The following ACVR1C variants were observed in gnomAD, a reference collection of about 807,000 sequenced individuals.
ACVR1C encodes activin receptor type-1C.
Under a neutral mutation model 57.9 loss-of-function variants are expected in ACVR1C, and 23 were observed. That is an observed-to-expected ratio of 0.40 (90% CI 0.29 to 0.56). The LOEUF (loss-of-function observed/expected upper bound fraction) is 0.56, where lower values mean the gene tolerates loss of function less well. Ranked by LOEUF, ACVR1C falls within the 20% of genes least tolerant of loss-of-function variation. The probability of loss-of-function intolerance (pLI) is 0.50; values close to 1 mark genes in which losing one functional copy is unlikely to be tolerated. For missense variants in ACVR1C, 480 were observed against 607.9 expected, an observed-to-expected ratio of 0.79 and a Z score of 2.21; for synonymous variants, 214 against 215.3, an observed-to-expected ratio of 0.99 and a Z score of 0.05.
At chr2:157,612,721 C>G (rs913456400) in intron 1 of ACVR1C, among the ~76,000 whole-genome samples, 4 of 152,322 alleles carry the variant, frequency 2.6e-5, no homozygotes, top group Middle Eastern at 3.4e-3. Context: ...ACAGTTCCTT[C>G]CCCAGAGAGT....
At chr2:157,628,052 T>C (rs1682942565) in intron 1 of ACVR1C, among the ~76,000 whole-genome samples, 1 of 152,190 alleles carries the variant, frequency 6.6e-6, no homozygotes. Context: ...CTCGCCTCCA[T>C]AGCTTGGCAT....
intron 8 of ACVR1C, among the ~76,000 whole-genome samples, chr2:157,535,598 C>A (rs552448398): frequency 6.6e-6 from 1 of 152,042 alleles, no homozygotes; most frequent in African/African-American, 2.4e-5. Context: ...GAGGCCAAGG[C>A]GGGTGGATCA....
chr2:157,554,284 A>AAGG (rs1558975234), intron 3 of ACVR1C, among the ~76,000 whole-genome samples: 35 of 114,060 alleles, frequency 3.1e-4, no homozygotes, highest in Admixed American at 6.6e-4. Context: ...AGGAAGGAAG[A>AAGG]GAGAGAGAGA....
At chr2:157,580,113 G>A (rs183633973) in intron 2 of ACVR1C, among the ~76,000 whole-genome samples, 160 of 151,406 alleles carry the variant, frequency 1.1e-3, no homozygotes, top group African/African-American at 3.0e-3. Flanking sequence ...ACACACGTGC[G>A]CGTGCTATTT....
intron 2 of ACVR1C, among the ~76,000 whole-genome samples, chr2:157,568,085 C>A (rs1230280224): frequency 6.3e-4 from 94 of 149,948 alleles, no homozygotes; most frequent in African/African-American, 2.2e-3. Context: ...GAATTTTCAA[C>A]CCAGAATTTC....
intron 3 of ACVR1C, among the ~76,000 whole-genome samples, chr2:157,554,287 G>GAAAGAAAGAAAGAAAGGAAA (rs1558975256): frequency 7.1e-5 from 9 of 126,294 alleles, no homozygotes; most frequent in African/African-American, 3.3e-4. Context: ...AAGGAAGAGA[G>GAAAGAAAGAAAGAAAGGAAA]AGAGAGAGAG....
At chr2:157,610,201 C>T (rs1682500579) in intron 1 of ACVR1C, among the ~76,000 whole-genome samples, 1 of 151,892 alleles carries the variant, frequency 6.6e-6, no homozygotes, top group Middle Eastern at 3.2e-3. Flanking sequence ...CTTTTTGTTT[C>T]CAGGTTTAGG....
chr2:157,575,788 A>G (rs1241677756), intron 2 of ACVR1C, among the ~76,000 whole-genome samples: 7 of 152,194 alleles, frequency 4.6e-5, no homozygotes, highest in Non-Finnish European at 1.0e-4. Context: ...TTGTAGTCAT[A>G]TTAACTTTTG....
At chr2:157,600,270 A>C (rs1462685004) in intron 1 of ACVR1C, among the ~76,000 whole-genome samples, 1 of 152,224 alleles carries the variant, frequency 6.6e-6, no homozygotes, top group Non-Finnish European at 1.5e-5. Flanking sequence ...GAAGATAGCA[A>C]CCAAATGAGA....
chr2:157,615,064 G>T (rs903619362), intron 1 of ACVR1C, among the ~76,000 whole-genome samples: 5 of 151,830 alleles, frequency 3.3e-5, no homozygotes, highest in African/African-American at 9.7e-5. Flanking sequence ...CATTGTTTTT[G>T]GTCCCTTGGA....
chr2:157,604,638 A>G (rs182084048), intron 1 of ACVR1C, among the ~76,000 whole-genome samples: 1 of 151,940 alleles, frequency 6.6e-6, no homozygotes, highest in Non-Finnish European at 1.5e-5. Flanking sequence ...TTAACTTTAC[A>G]TAGAATTGCC....
intron 1 of ACVR1C, among the ~76,000 whole-genome samples, chr2:157,603,018 A>G (rs1382372214): frequency 1.3e-5 from 2 of 152,328 alleles, no homozygotes. Context: ...GGCCTCTAAA[A>G]TAATCCTGAT....
chr2:157,542,910 G>C, intron 5 of ACVR1C, 48 bp from the exon 6 acceptor site: 1 of 1,558,690 alleles, frequency 6.4e-7, no homozygotes, highest in Non-Finnish European at 8.7e-7. Context: ...ACCGGAGACT[G>C]TTCAAGAGAA....
chr2:157,545,190 C>T (rs1251519635), intron 4 of ACVR1C, among the ~76,000 whole-genome samples: 1 of 152,108 alleles, frequency 6.6e-6, no homozygotes, highest in Non-Finnish European at 1.5e-5. Context: ...TAGCCAAAAC[C>T]TAATCCAGCT....
intron 1 of ACVR1C, among the ~76,000 whole-genome samples, chr2:157,593,436 C>A (rs1482459626): frequency 6.6e-6 from 1 of 152,180 alleles, no homozygotes; most frequent in Non-Finnish European, 1.5e-5. Context: ...ACTCTTTCTT[C>A]TTTTCCAGAC....
At chr2:157,589,355 G>T (rs1185308160) in intron 1 of ACVR1C, among the ~76,000 whole-genome samples, 1 of 151,842 alleles carries the variant, frequency 6.6e-6, no homozygotes, top group South Asian at 2.1e-4. Context: ...GTTTGTTCGT[G>T]TCATTTGCCC....
At chr2:157,586,577 G>A (rs1055730286) in intron 2 of ACVR1C, among the ~76,000 whole-genome samples, 1 of 152,244 alleles carries the variant, frequency 6.6e-6, no homozygotes, top group African/African-American at 2.4e-5. Context: ...TAAAGGGCCA[G>A]ATCAGGATTT....
chr2:157,550,748 A>AAG (rs397705869), intron 3 of ACVR1C, among the ~76,000 whole-genome samples: 2 of 151,622 alleles, frequency 1.3e-5, no homozygotes, highest in East Asian at 1.9e-4. Context: ...AAAAAAAAAA[A>AAG]GAAGTGTTAG....
At position 157,527,711 on chromosome 2, in the gene ACVR1C, T is replaced by G. The variant is rs568411975; in HGVS notation, c.*6207A>C. 7 of 152,206 alleles carry G rather than the reference T, an allele frequency of 4.6e-5. No homozygotes were observed. Among genetic ancestry groups the G allele is most frequent in the South Asian group, 4.1e-4 (2 of 4,822 alleles). 9.4% of individuals were successfully genotyped at this position (152,206 alleles called of 1,614,324 possible). ...TTGGCTCAGATACTCTCATTTTGTATAAAGAGAAAAAAAGGGCTGTGTCCT... is the reference window on the plus strand; with the variant it reads ...TTGGCTCAGATACTCTCATTTTGTAGAAAGAGAAAAAAAGGGCTGTGTCCT... On this transcript the variant is annotated 3_prime_UTR_variant, in exon 9 of 9. Transcript: ENST00000243349.
Sources: gnomAD v4.1 joint callset for allele counts (sites outside exome capture counted in the v4.1 genomes callset) on GRCh38, gnomAD v4.1.1 for gene constraint, MANE v1.5 for transcripts, NCBI Gene and HGNC (gene_info 2026-07-23, HGNC 2026-07-21) for gene names.